SYN3: variants seen among roughly 807,000 people sequenced by gnomAD.
SYN3 encodes synapsin-3.
Under a neutral mutation model 65.8 loss-of-function variants are expected in SYN3, and 35 were observed. The observed-to-expected ratio is 0.53, with a 90% CI of 0.41 to 0.70. SYN3 has a LOEUF of 0.70. Among genes scored for constraint, SYN3 ranks in the 30% least tolerant of loss-of-function variants. The pLI is 0.00. For synonymous variants in SYN3, 270 were observed against 292.9 expected (o/e 0.92, Z 0.80); for missense variants, 680 against 749.0 (o/e 0.91, Z 1.08).
At chr22:32,624,069 A>C (rs1319413362) in intron 6 of SYN3, among the ~76,000 whole-genome samples, 2 of 152,218 alleles carry the variant, frequency 1.3e-5, no homozygotes, top group Non-Finnish European at 2.9e-5. Context: ...GGCCCTTGCC[A>C]AGATCAACTG....
chr22:32,870,859 T>C (rs1301133842), intron 4 of SYN3, among the ~76,000 whole-genome samples: 2 of 152,200 alleles, frequency 1.3e-5, no homozygotes, highest in Non-Finnish European at 2.9e-5. Flanking sequence ...CAAAACAAAA[T>C]AGGGTCTCCA....
chr22:32,576,973 C>T (rs2146463584), intron 7 of SYN3, among the ~76,000 whole-genome samples: 1 of 152,076 alleles, frequency 6.6e-6, no homozygotes, highest in Admixed American at 6.6e-5. Flanking sequence ...ATGATCTGGC[C>T]CCAGTCTCAC....
At chr22:32,889,900 T>C (rs1166167459) in intron 4 of SYN3, among the ~76,000 whole-genome samples, 2 of 152,014 alleles carry the variant, frequency 1.3e-5, no homozygotes, top group Admixed American at 6.6e-5. Flanking sequence ...TATAAAGGTA[T>C]GTTGTTCTCT....
intron 10 of SYN3, among the ~76,000 whole-genome samples, chr22:32,530,569 T>C (rs914374865): frequency 2.0e-5 from 3 of 150,408 alleles, no homozygotes; most frequent in Admixed American, 6.6e-5. Flanking sequence ...TCTTTTCCTC[T>C]ACGGGCCTAT....
intron 1 of SYN3, among the ~76,000 whole-genome samples, chr22:33,008,128 G>A (rs1338998776): frequency 6.6e-6 from 1 of 152,072 alleles, no homozygotes; most frequent in Non-Finnish European, 1.5e-5. Flanking sequence ...GTAGAGATGA[G>A]GTTTCACCAT....
At chr22:32,970,548 CAA>C (rs992125403) in intron 3 of SYN3, among the ~76,000 whole-genome samples, 1 of 115,654 alleles carries the variant, frequency 8.6e-6, no homozygotes, top group Non-Finnish European at 1.8e-5. Flanking sequence ...GACTCCATCT[CAA>C]AAAAAAAAAG....
intron 6 of SYN3, among the ~76,000 whole-genome samples, chr22:32,753,449 C>T (rs543873276): frequency 4.3e-4 from 66 of 152,278 alleles, no homozygotes; most frequent in African/African-American, 1.3e-3. Context: ...TCCTGGGGAA[C>T]GGCTGGCTCC....
intron 3 of SYN3, among the ~76,000 whole-genome samples, chr22:32,951,496 C>G (rs2051288287): frequency 1.3e-5 from 2 of 152,250 alleles, no homozygotes; most frequent in Non-Finnish European, 2.9e-5. Context: ...CAAGTAGAAG[C>G]TCTGCAGGGC....
intron 6 of SYN3, among the ~76,000 whole-genome samples, chr22:32,603,795 C>T (rs1217943233): frequency 1.3e-5 from 2 of 152,186 alleles, no homozygotes; most frequent in Non-Finnish European, 2.9e-5. Context: ...CTGGGGATGC[C>T]GAGGTCTGCA....
intron 6 of SYN3, among the ~76,000 whole-genome samples, chr22:32,750,668 A>G (rs2045091046): frequency 6.6e-6 from 1 of 152,226 alleles, no homozygotes. Context: ...GGCAGAAACC[A>G]GAAAGCCAGC....
rs1273703985 is a variant in SYN3, at chr22:32,509,227, T to A, written c.*4465A>T. Among the ~76,000 whole-genome samples the A allele has an allele frequency of 6.6e-6, 1 of 152,214 alleles. No homozygotes were observed. Among genetic ancestry groups the A allele is most frequent in the Non-Finnish European group, 1.5e-5 (1 of 68,040 alleles). ...GAGCTGTCCGCTAAGGCTGCGTTTT[T>A]AAATCCCTGTTCATTGTGAACAAAT... On this transcript the variant is annotated 3_prime_UTR_variant, in exon 14 of 14. Transcript: ENST00000358763.
chr22:32,962,895 A>C (rs10222241), intron 3 of SYN3, among the ~76,000 whole-genome samples: 10,404 of 150,866 alleles, frequency 0.069, 967 homozygotes, highest in African/African-American at 0.21. Flanking sequence ...CTCTCTCTAT[A>C]TATATATAAA....
At chr22:32,783,995 G>A (rs769002379) in intron 6 of SYN3, among the ~76,000 whole-genome samples, 6 of 152,208 alleles carry the variant, frequency 3.9e-5, no homozygotes, top group Non-Finnish European at 7.3e-5. Flanking sequence ...TGAGGTTTAA[G>A]TGAGCTAATA....
intron 3 of SYN3, among the ~76,000 whole-genome samples, chr22:32,942,345 T>TG (rs1355298287): frequency 6.6e-6 from 1 of 152,124 alleles, no homozygotes; most frequent in African/African-American, 2.4e-5. Flanking sequence ...AGGTCTGGAG[T>TG]GGACCTCCAG....
chr22:32,820,353 CGTGTGTGTGT>C (rs35230068), intron 6 of SYN3, among the ~76,000 whole-genome samples: 40 of 141,782 alleles, frequency 2.8e-4, no homozygotes, highest in Middle Eastern at 7.1e-3. Flanking sequence ...CATTCCACTG[CGTGTGTGTGT>C]GTGTGTGTGT....
chr22:32,591,749 T>C (rs1432709617), intron 7 of SYN3, among the ~76,000 whole-genome samples: 1 of 152,206 alleles, frequency 6.6e-6, no homozygotes, highest in Non-Finnish European at 1.5e-5. Flanking sequence ...TTACCCACGG[T>C]CAACTGCGGT....
intron 3 of SYN3, among the ~76,000 whole-genome samples, chr22:32,941,939 A>G (rs2050952295): frequency 6.6e-6 from 1 of 152,212 alleles, no homozygotes; most frequent in Non-Finnish European, 1.5e-5. Context: ...GTAGGTAAAC[A>G]AAGCAGCCAG....
At chr22:32,666,590 T>C (rs2060292837) in intron 6 of SYN3, among the ~76,000 whole-genome samples, 1 of 152,200 alleles carries the variant, frequency 6.6e-6, no homozygotes, top group African/African-American at 2.4e-5. Flanking sequence ...TTATCAGATG[T>C]AACCCCTCTC....
At chr22:32,863,484 C>T (rs2048605059) in intron 6 of SYN3, among the ~76,000 whole-genome samples, 2 of 152,146 alleles carry the variant, frequency 1.3e-5, no homozygotes, top group Admixed American at 1.3e-4. Context: ...GTTGGGAACA[C>T]CAGGAACTCA....
Sources: gnomAD v4.1 joint callset for allele counts (sites outside exome capture counted in the v4.1 genomes callset) on GRCh38, gnomAD v4.1.1 for gene constraint, MANE v1.5 for transcripts, NCBI Gene and HGNC (gene_info 2026-07-23, HGNC 2026-07-21) for gene names.